MAGI1: variants seen among roughly 807,000 people sequenced by gnomAD.
MAGI1 encodes the protein membrane-associated guanylate kinase, WW and PDZ domain-containing protein 1.
Under a neutral mutation model 139.9 loss-of-function variants are expected in MAGI1, and 58 were observed. The observed-to-expected ratio is 0.41, with a 90% CI of 0.34 to 0.52. The LOEUF (loss-of-function observed/expected upper bound fraction) is 0.52. MAGI1 is among the 20% of genes least tolerant of loss of function. MAGI1 has a pLI of 0.12. For synonymous variants in MAGI1, 812 were observed against 737.9 expected, an observed-to-expected ratio of 1.10 and a Z score of -1.63; for missense variants, 1,874 against 1,901.6, an observed-to-expected ratio of 0.99 and a Z score of 0.27.
chr3:65,738,771 T>C (rs1559836477), intron 1 of MAGI1, among the ~76,000 whole-genome samples: 1 of 152,186 alleles, frequency 6.6e-6, no homozygotes. Context: ...GAAAGGAATC[T>C]TTTTTCTTCT....
intron 1 of MAGI1, among the ~76,000 whole-genome samples, chr3:65,940,173 C>G (rs892543795): frequency 6.6e-6 from 1 of 152,134 alleles, no homozygotes; most frequent in African/African-American, 2.4e-5. Flanking sequence ...AACCCTCCTA[C>G]CTCTTATTCC....
intron 1 of MAGI1, among the ~76,000 whole-genome samples, chr3:65,986,797 C>CTTTGAGACTGGTACATTA (rs1247175752): frequency 6.6e-6 from 1 of 151,682 alleles, no homozygotes; most frequent in Non-Finnish European, 1.5e-5. Flanking sequence ...TGGACTGGTA[C>CTTTGAGACTGGTACATTA]TTTGAGAATA....
intron 5 of MAGI1, among the ~76,000 whole-genome samples, chr3:65,465,218 T>C (rs1232929414): frequency 1.3e-5 from 2 of 151,304 alleles, no homozygotes; most frequent in Non-Finnish European, 2.9e-5. Context: ...TTTAAAGAGA[T>C]GCCAATTATA....
intron 2 of MAGI1, among the ~76,000 whole-genome samples, chr3:65,499,442 G>T (rs2076999562): frequency 6.6e-6 from 1 of 152,172 alleles, no homozygotes; most frequent in African/African-American, 2.4e-5. Context: ...GAGGTCAGGA[G>T]ATCGAGATCA....
intron 1 of MAGI1, among the ~76,000 whole-genome samples, chr3:65,684,546 G>A (rs1380510223): frequency 6.6e-6 from 1 of 152,104 alleles, no homozygotes; most frequent in Non-Finnish European, 1.5e-5. Flanking sequence ...GCTATAGAAG[G>A]GATTTTGGTG....
intron 1 of MAGI1, among the ~76,000 whole-genome samples, chr3:65,857,803 G>A (rs1031202516): frequency 6.6e-6 from 1 of 152,148 alleles, no homozygotes; most frequent in African/African-American, 2.4e-5. Flanking sequence ...CTTTACCTGT[G>A]TGACATTCGT....
chr3:65,571,376 T>C (rs1264496976), intron 2 of MAGI1, among the ~76,000 whole-genome samples: 1 of 152,098 alleles, frequency 6.6e-6, no homozygotes, highest in Non-Finnish European at 1.5e-5. Context: ...TTTTAAATGA[T>C]GAATACATGT....
At chr3:65,600,539 G>C (rs1202252192) in intron 2 of MAGI1, among the ~76,000 whole-genome samples, 2 of 152,162 alleles carry the variant, frequency 1.3e-5, no homozygotes, top group African/African-American at 2.4e-5. Flanking sequence ...TCCAGCAGAA[G>C]CCAGGAGAGA....
At chr3:65,721,896 A>C (rs1206893665) in intron 1 of MAGI1, among the ~76,000 whole-genome samples, 1 of 152,004 alleles carries the variant, frequency 6.6e-6, no homozygotes, top group African/African-American at 2.4e-5. Flanking sequence ...AGGTCGACTA[A>C]GGAATCTGTA....
chr3:65,691,307 A>AAAAAAAAAAAAAAAAAAAAAAT (rs1388046202), intron 1 of MAGI1, among the ~76,000 whole-genome samples: 2 of 133,756 alleles, frequency 1.5e-5, no homozygotes, highest in Non-Finnish European at 1.7e-5. Context: ...CGTCTCAAAA[A>AAAAAAAAAAAAAAAAAAAAAAT]AAAAAAAAGA....
chr3:65,720,732 CTTTT>C (rs1267559034), intron 1 of MAGI1, among the ~76,000 whole-genome samples: 1 of 152,042 alleles, frequency 6.6e-6, no homozygotes, highest in African/African-American at 2.4e-5. Context: ...TGCTCTTATT[CTTTT>C]TTTGTTTGTT....
At chr3:65,906,277 C>T (rs1460590589) in intron 1 of MAGI1, among the ~76,000 whole-genome samples, 6 of 152,108 alleles carry the variant, frequency 3.9e-5, no homozygotes, top group Non-Finnish European at 5.9e-5. Context: ...CACGTAAAAG[C>T]TCCATGAAGA....
At chr3:65,539,135 C>T (rs530777909) in intron 2 of MAGI1, among the ~76,000 whole-genome samples, 1 of 152,230 alleles carries the variant, frequency 6.6e-6, no homozygotes, top group Non-Finnish European at 1.5e-5. Context: ...CAAACAGACA[C>T]ATGTACCAAC....
chr3:65,748,043 A>G (rs2035845366), intron 1 of MAGI1, among the ~76,000 whole-genome samples: 1 of 152,182 alleles, frequency 6.6e-6, no homozygotes, highest in Non-Finnish European at 1.5e-5. Flanking sequence ...TTCCTGCCAG[A>G]AACAGGACTC....
intron 2 of MAGI1, among the ~76,000 whole-genome samples, chr3:65,495,896 G>A (rs754353883): frequency 3.9e-5 from 6 of 152,022 alleles, no homozygotes; most frequent in Non-Finnish European, 2.9e-5. Flanking sequence ...GCATGGTTGC[G>A]GTACAGTGAT....
intron 1 of MAGI1, among the ~76,000 whole-genome samples, chr3:65,667,961 G>A (rs2086631803): frequency 6.6e-6 from 1 of 152,168 alleles, no homozygotes; most frequent in Admixed American, 6.5e-5. Flanking sequence ...CGTACTAAGA[G>A]TTTGCTCCCT....
At chr3:65,626,253 T>G (rs1387769432) in intron 1 of MAGI1, among the ~76,000 whole-genome samples, 1 of 152,348 alleles carries the variant, frequency 6.6e-6, no homozygotes, top group East Asian at 1.9e-4. Flanking sequence ...TAACAAAGAT[T>G]TGTACATCCT....
At chr3:65,430,359 G>C (rs967722252) in intron 11 of MAGI1, among the ~76,000 whole-genome samples, 2 of 151,990 alleles carry the variant, frequency 1.3e-5, no homozygotes, top group African/African-American at 4.8e-5. Flanking sequence ...ATCACTCACA[G>C]AACATTGGAG....
chr3:65,628,954 A>T (rs1439001698), intron 1 of MAGI1, among the ~76,000 whole-genome samples: 2 of 152,196 alleles, frequency 1.3e-5, no homozygotes, highest in Admixed American at 1.3e-4. Context: ...ATTCTTGATA[A>T]AAAGATATTC....
Sources: gnomAD v4.1 joint callset for allele counts (sites outside exome capture counted in the v4.1 genomes callset) on GRCh38, gnomAD v4.1.1 for gene constraint, MANE v1.5 for transcripts, NCBI Gene and HGNC (gene_info 2026-07-23, HGNC 2026-07-21) for gene names.